The following TCF4 variants were observed in gnomAD, a reference collection of about 807,000 sequenced individuals.
TCF4 encodes transcription factor 4, also known as SL3-3 enhancer factor 2.
TCF4 carries 3 observed loss-of-function variants against 82.1 expected under a neutral mutation model. The observed-to-expected ratio is 0.04, with a 90% confidence interval of 0.02 to 0.09. The LOEUF is 0.09. Among genes scored for constraint, TCF4 ranks in the 10% least tolerant of loss-of-function variants. The pLI, the probability that TCF4 is intolerant of heterozygous loss-of-function variation, is 1.00. For synonymous variants in TCF4, 276 were observed against 309.6 expected (o/e 0.89, Z 1.14); for missense variants, 518 against 852.7 (o/e 0.61, Z 4.89).
chr18:55,301,378 G>A (rs1223329166), intron 8 of TCF4, among the ~76,000 whole-genome samples: 12 of 152,132 alleles, frequency 7.9e-5, no homozygotes, highest in East Asian at 5.8e-4. Flanking sequence ...TAACTCGATC[G>A]GGCAGAAATT....
At position 55,415,888 on chromosome 18, in the gene TCF4, T is replaced by A. The variant is rs186914050; in HGVS notation, c.305-12370A>T. ...ATTGAATTACACTTAGCAAAGTCTC[T>A]TTTAGTGTATGTATATTTCTGTGTG... On this transcript the variant is annotated intron_variant, in intron 5 of 19. Coordinates refer to ENST00000354452, the MANE Select transcript of TCF4 (RefSeq NM_001083962.2). 3.3e-5 allele frequency among the ~76,000 whole-genome samples: 5 copies of A among 152,360 alleles called. No homozygotes were observed. In the East Asian group the frequency reaches 9.6e-4, roughly 29 times the overall value.
intron 15 of TCF4, among the ~76,000 whole-genome samples, chr18:55,245,550 G>C (rs1451857412): frequency 6.6e-6 from 1 of 152,180 alleles, no homozygotes; most frequent in African/African-American, 2.4e-5. Context: ...GCTGTGGAGG[G>C]GCTTTTCACC....
chr18:55,576,903 G>T (rs1198404910), intron 3 of TCF4, among the ~76,000 whole-genome samples: 1 of 151,516 alleles, frequency 6.6e-6, no homozygotes, highest in Admixed American at 6.6e-5. Flanking sequence ...TGTATTTTAT[G>T]TGTGGCCCAA....
chr18:55,422,265 A>G (rs1191195770), intron 5 of TCF4: 3 of 985,260 alleles, frequency 3.0e-6, no homozygotes, highest in Admixed American at 6.2e-5. Flanking sequence ...GCCAAAAAGC[A>G]TGTGGATGAA....
In TCF4 at chr18:55,319,441, G is replaced by C. The variant is rs111889427; in HGVS notation, c.549+30918C>G. On this transcript the variant is annotated intron_variant, in intron 8 of 19. Coordinates refer to ENST00000354452, the MANE Select transcript of TCF4 (RefSeq NM_001083962.2). ...CACACACAACTGGACTTTGCTGTCTGTTTCATAAAGCTAAGATGGACAACT... is the reference window on the plus strand; with the variant it reads ...CACACACAACTGGACTTTGCTGTCTCTTTCATAAAGCTAAGATGGACAACT... Among the ~76,000 whole-genome samples, 1,088 of 152,216 alleles carry C rather than the reference G, an allele frequency of 7.1e-3. 7 individuals carry two copies. The highest frequency in any genetic ancestry group is 0.012 in the Non-Finnish European group (790 of 67,976).
intron 3 of TCF4, among the ~76,000 whole-genome samples, chr18:55,579,604 G>A (rs578067331): frequency 6.6e-6 from 1 of 151,942 alleles, no homozygotes; most frequent in African/African-American, 2.4e-5. Context: ...CTTGTAAACT[G>A]AAGAACATTT....
intron 5 of TCF4, among the ~76,000 whole-genome samples, chr18:55,438,615 A>G (rs997848464): frequency 2.6e-5 from 4 of 152,230 alleles, no homozygotes; most frequent in African/African-American, 9.6e-5. Context: ...TTTCAACTAA[A>G]AGACACCACC....
At chr18:55,465,975 A>C (rs2096008239) in intron 3 of TCF4, among the ~76,000 whole-genome samples, 1 of 152,182 alleles carries the variant, frequency 6.6e-6, no homozygotes, top group African/African-American at 2.4e-5. Context: ...TTATCTTTTC[A>C]ATTTTAAAAG....
At chr18:55,510,109 C>G (rs914958912) in intron 3 of TCF4, among the ~76,000 whole-genome samples, 1 of 129,788 alleles carries the variant, frequency 7.7e-6, no homozygotes, top group Non-Finnish European at 1.5e-5. Context: ...AAGTCTCCCC[C>G]TGATGTTCTA....
At chr18:55,412,070 C>T (rs1036673631) in intron 5 of TCF4, among the ~76,000 whole-genome samples, 1 of 152,116 alleles carries the variant, frequency 6.6e-6, no homozygotes, top group Non-Finnish European at 1.5e-5. Context: ...TAAAATTCCA[C>T]TGGTTATTCT....
At chr18:55,518,417 C>G (rs1192837892) in intron 3 of TCF4, among the ~76,000 whole-genome samples, 1 of 151,824 alleles carries the variant, frequency 6.6e-6, no homozygotes, top group African/African-American at 2.4e-5. Context: ...CAGAAATAAC[C>G]AAAATCACCA....
chr18:55,425,313 A>C (rs4519414), intron 5 of TCF4, among the ~76,000 whole-genome samples: 1 of 151,548 alleles, frequency 6.6e-6, no homozygotes. Context: ...ATTCAAACAT[A>C]TTTTCAGAAT....
chr18:55,466,244 CCAG>C (rs1297166569), intron 3 of TCF4, among the ~76,000 whole-genome samples: 1 of 152,140 alleles, frequency 6.6e-6, no homozygotes, highest in East Asian at 1.9e-4. Context: ...ACCTGTGATA[CCAG>C]CACGTTGGGA....
chr18:55,568,066 C>G (rs1398790106), intron 3 of TCF4, among the ~76,000 whole-genome samples: 1 of 150,882 alleles, frequency 6.6e-6, no homozygotes. Flanking sequence ...CTATGTAATA[C>G]AGTCACCACA....
intron 5 of TCF4, among the ~76,000 whole-genome samples, chr18:55,448,675 T>C (rs1189789265): frequency 1.3e-5 from 2 of 152,236 alleles, no homozygotes; most frequent in African/African-American, 4.8e-5. Context: ...TTCTCTAAAG[T>C]GCTTGCAAGC....
At chr18:55,365,156 A>AAAATATAT (rs2086535830) in intron 6 of TCF4, among the ~76,000 whole-genome samples, 1 of 83,538 alleles carries the variant, frequency 1.2e-5, no homozygotes, top group Non-Finnish European at 2.2e-5. Flanking sequence ...CCATCTCCAA[A>AAAATATAT]ATATATATAT....
At chr18:55,404,009 C>T (rs199876020) in intron 5 of TCF4, 22 of 1,190,838 alleles carry the variant, frequency 1.8e-5, no homozygotes, top group Admixed American at 4.2e-5. Flanking sequence ...CTCTCTCTCT[C>T]TTTTTTAAAA....
At chr18:55,261,144 C>T (rs2047588837) in intron 12 of TCF4, 1 of 270,748 alleles carries the variant, frequency 3.7e-6, no homozygotes, top group South Asian at 4.6e-5. Flanking sequence ...ACAGTCTTAG[C>T]TGGTCAATGT....
At chr18:55,489,070 C>A (rs1188392160) in intron 3 of TCF4, among the ~76,000 whole-genome samples, 1 of 152,158 alleles carries the variant, frequency 6.6e-6, no homozygotes, top group Non-Finnish European at 1.5e-5. Flanking sequence ...AGGGCCACCA[C>A]TCCCAGTGGA....
Sources: allele counts gnomAD v4.1 joint callset (sites outside exome capture counted in the v4.1 genomes callset), GRCh38; gene constraint gnomAD v4.1.1; transcripts MANE v1.5; gene names NCBI Gene and HGNC (gene_info 2026-07-23, HGNC 2026-07-21).